The following COMMD10 variants were observed in gnomAD, a reference collection of about 807,000 sequenced individuals.
COMMD10 encodes the protein COMM domain-containing protein 10.
COMMD10 carries 33 observed loss-of-function variants against 28.9 expected under a neutral mutation model. The ratio of observed to expected loss-of-function variants is 1.14; its 90% CI spans 0.87 to 1.53. The LOEUF (loss-of-function observed/expected upper bound fraction) is 1.53, where lower values mean the gene tolerates loss of function less well. Among genes scored for constraint, COMMD10 ranks in the 40% most tolerant of loss-of-function variants. The pLI is 0.00. For synonymous variants in COMMD10, 110 were observed against 81.7 expected, an observed-to-expected ratio of 1.35 and a Z score of -1.87; for missense variants, 310 against 233.4, an observed-to-expected ratio of 1.33 and a Z score of -2.14.
intron 5 of COMMD10, among the ~76,000 whole-genome samples, chr5:116,262,652 C>T (rs188134800): frequency 4.6e-5 from 7 of 151,862 alleles, no homozygotes; most frequent in Admixed American, 2.0e-4. Flanking sequence ...TCTGTGTATT[C>T]CCAAGATTTT....
At chr5:116,124,888 C>A (rs896651858) in intron 4 of COMMD10, among the ~76,000 whole-genome samples, 2 of 151,846 alleles carry the variant, frequency 1.3e-5, no homozygotes, top group African/African-American at 4.8e-5. Flanking sequence ...GGATTGCAAC[C>A]CCTCCTTTAT....
intron 5 of COMMD10, among the ~76,000 whole-genome samples, chr5:116,266,157 A>C (rs545801850): frequency 2.6e-5 from 4 of 151,856 alleles, no homozygotes; most frequent in Non-Finnish European, 5.9e-5. Flanking sequence ...GGGCAATGAG[A>C]ACAAAGGCAT....
At chr5:116,226,919 ACT>A in intron 5 of COMMD10, among the ~76,000 whole-genome samples, 1 of 151,770 alleles carries the variant, frequency 6.6e-6, no homozygotes, top group East Asian at 1.9e-4. Context: ...AATATTAAAC[ACT>A]CTTTTTCAGA....
At chr5:116,161,022 G>A (rs10057003) in intron 5 of COMMD10, among the ~76,000 whole-genome samples, 1 of 151,824 alleles carries the variant, frequency 6.6e-6, no homozygotes, top group Non-Finnish European at 1.5e-5. Flanking sequence ...AAATAGTAGG[G>A]CTTTGAAAAA....
chr5:116,114,464 CGA>C (rs1751163388), intron 4 of COMMD10, among the ~76,000 whole-genome samples: 1 of 152,060 alleles, frequency 6.6e-6, no homozygotes. Context: ...AGAAACCAAC[CGA>C]GAGAGTAATG....
At chr5:116,195,032 A>G (rs952744636) in intron 5 of COMMD10, among the ~76,000 whole-genome samples, 1 of 152,226 alleles carries the variant, frequency 6.6e-6, no homozygotes, top group African/African-American at 2.4e-5. Context: ...AATAAATGTG[A>G]TTCACCACAT....
chr5:116,121,605 A>G (rs1283830624), intron 4 of COMMD10, among the ~76,000 whole-genome samples: 2 of 152,208 alleles, frequency 1.3e-5, no homozygotes, highest in East Asian at 3.8e-4. Context: ...CCAACAGTGT[A>G]AAAGCATTCC....
rs144678984 is a variant in COMMD10, at chr5:116,232,039, C to T, written c.511-59478C>T. On this transcript the variant is annotated intron_variant, in intron 5 of 6. Transcript: ENST00000274458. ...TGCACCAAGCTGAAGAGCCACTTTACACTGAACTGAATTTTGTATGGAAGC... is the reference window on the plus strand; with the variant it reads ...TGCACCAAGCTGAAGAGCCACTTTATACTGAACTGAATTTTGTATGGAAGC... Among the ~76,000 whole-genome samples the T allele has an allele frequency of 7.2e-3, 1,092 of 152,208 alleles. 18 individuals carry two copies. Among genetic ancestry groups the T allele is most frequent in the African/African-American group, 0.026 (1,062 of 41,526 alleles).
At chr5:116,102,620 G>T (rs1750699933) in intron 4 of COMMD10, among the ~76,000 whole-genome samples, 1 of 152,084 alleles carries the variant, frequency 6.6e-6, no homozygotes, top group African/African-American at 2.4e-5. Flanking sequence ...GATAAGGATT[G>T]CATTGAATCT....
intron 5 of COMMD10, among the ~76,000 whole-genome samples, chr5:116,264,124 T>A (rs1025622376): frequency 2.0e-5 from 3 of 151,760 alleles, no homozygotes; most frequent in African/African-American, 7.3e-5. Context: ...CTAAATCAAG[T>A]CAAACTCTTC....
Position 116,092,773 on chromosome 5 carries a change from A to G in COMMD10, c.399+73A>G, listed in dbSNP as rs111935686. 6.1e-6 allele frequency: 7 copies of G among 1,139,198 alleles called. No individual in the cohort carries two copies. The African/African-American group carries it at 9.4e-5, about 15-fold the overall frequency. 70.6% of individuals were successfully genotyped at this position (1,139,198 alleles called of 1,614,324 possible). On this transcript the variant is annotated intron_variant, in intron 4 of 6. Transcript: ENST00000274458. ...AAATTATTATACCTGAAGAGTTTTT[A>G]AAGTGATAATATTTTGTTGAGAGGT...
At chr5:116,272,867 T>G (rs576533422) in intron 5 of COMMD10, among the ~76,000 whole-genome samples, 1 of 151,918 alleles carries the variant, frequency 6.6e-6, no homozygotes, top group African/African-American at 2.4e-5. Flanking sequence ...TTAATTTCGG[T>G]TCTCTTAGGG....
intron 5 of COMMD10, among the ~76,000 whole-genome samples, chr5:116,238,585 A>G (rs1231124426): frequency 6.6e-6 from 1 of 152,218 alleles, no homozygotes; most frequent in Non-Finnish European, 1.5e-5. Flanking sequence ...CTAACAGTAT[A>G]CTTCAACATT....
chr5:116,200,646 A>T (rs1330583430), intron 5 of COMMD10, among the ~76,000 whole-genome samples: 2 of 150,232 alleles, frequency 1.3e-5, no homozygotes, highest in Non-Finnish European at 3.0e-5. Flanking sequence ...TCAGTTTTGA[A>T]GTTTTCTGTT....
intron 5 of COMMD10, among the ~76,000 whole-genome samples, chr5:116,134,869 C>A (rs190219097): frequency 4.5e-4 from 68 of 152,270 alleles, no homozygotes; most frequent in African/African-American, 1.6e-3. Context: ...GATCCACCCC[C>A]CTCAGCCTCC....
At chr5:116,137,161 A>T (rs1752048337) in intron 5 of COMMD10, among the ~76,000 whole-genome samples, 1 of 152,102 alleles carries the variant, frequency 6.6e-6, no homozygotes, top group Admixed American at 6.5e-5. Flanking sequence ...ATGATTTGGT[A>T]TTCTATTCTT....
chr5:116,098,925 C>G (rs1020100631), intron 4 of COMMD10, among the ~76,000 whole-genome samples: 1 of 152,098 alleles, frequency 6.6e-6, no homozygotes, highest in Admixed American at 6.6e-5. Context: ...TCAAATTAAT[C>G]AACATATCTG....
intron 6 of COMMD10, 25 bp from the exon 7 acceptor site, chr5:116,292,423 CTTT>C (rs11337562): frequency 1.0e-3 from 1,329 of 1,265,720 alleles, no homozygotes; most frequent in African/African-American, 3.4e-3. Context: ...TCACTAACGT[CTTT>C]TTTTTTTTTT....
chr5:116,279,144 A>G (rs1186378514), intron 5 of COMMD10, among the ~76,000 whole-genome samples: 1 of 151,700 alleles, frequency 6.6e-6, no homozygotes, highest in African/African-American at 2.4e-5. Context: ...AAAAAGACCC[A>G]GAGAGAAGTA....
Sources: gnomAD v4.1 joint callset for allele counts (sites outside exome capture counted in the v4.1 genomes callset) on GRCh38, gnomAD v4.1.1 for gene constraint, MANE v1.5 for transcripts, NCBI Gene and HGNC (gene_info 2026-07-23, HGNC 2026-07-21) for gene names.